The following ARFGEF1 variants were observed in gnomAD, a reference collection of about 807,000 sequenced individuals.
ARFGEF1 encodes brefeldin A-inhibited guanine nucleotide-exchange protein 1.
A neutral mutation model predicts 231.0 loss-of-function variants in ARFGEF1; 42 were observed. The observed-to-expected ratio is 0.18, with a 90% CI of 0.14 to 0.24. The LOEUF (loss-of-function observed/expected upper bound fraction) is 0.24, where lower values mean the gene tolerates loss of function less well. Among genes scored for constraint, ARFGEF1 ranks in the 10% least tolerant of loss-of-function variants. The probability of loss-of-function intolerance (pLI) is 1.00; values close to 1 mark genes in which losing one functional copy is unlikely to be tolerated. For missense variants in ARFGEF1, 1,345 were observed against 2,192.0 expected (o/e 0.61, Z 7.72); for synonymous variants, 710 against 732.3 (o/e 0.97, Z 0.49).
At chr8:67,337,812 T>G (rs542525115) in intron 1 of ARFGEF1, among the ~76,000 whole-genome samples, 1 of 152,190 alleles carries the variant, frequency 6.6e-6, no homozygotes, top group African/African-American at 2.4e-5. Context: ...TCTGATGATA[T>G]AAGGTTGTTA....
chr8:67,222,214 T>C lies in ARFGEF1; in HGVS notation c.4209-2654A>G, dbSNP rs544235784. On this transcript the variant is annotated intron_variant, in intron 29 of 38. Transcript: ENST00000262215. ...ATATATATATATATATACACACACA[T>C]ATATATATATGTATATGTATGTATG... 5.5e-3 allele frequency among the ~76,000 whole-genome samples: 660 copies of C among 121,084 alleles called. 4 individuals carry two copies. The highest frequency in any genetic ancestry group is 0.014 in the African/African-American group (423 of 29,912). 79.4% of individuals were successfully genotyped at this position (121,084 alleles called of 152,430 possible). A position where few individuals can be genotyped will look rare whatever the true frequency, so the allele number is the denominator to read the frequency against.
At position 67,227,539 on chromosome 8, in the gene ARFGEF1, C is replaced by T. The variant is rs148524011; in HGVS notation, c.3651G>A (p.Leu1217=). The T allele has an allele frequency of 1.7e-4, 273 of 1,613,024 alleles. 3 individuals are homozygous for T. In the East Asian group the frequency reaches 3.2e-3, roughly 19 times the overall value. The change falls in exon 26 of 39, where the codon TTG becomes TTA. Residue 1217 remains leucine, a synonymous_variant. Transcript: ENST00000262215. ...AIFAVDSLRQ[L]SMKFLEKGEL... is the part of the protein sequence containing the mutation. ...CCCCTTTCTCTAAGAACTTCATTGA[C>T]AACTGCCTCAAGGAGTCTACTGCAA...
chr8:67,240,264 T>C lies in ARFGEF1; in HGVS notation c.2877A>G (p.Ala959=). The C allele has an allele frequency of 1.2e-6, 2 of 1,606,620 alleles. No individual in the cohort carries two copies. Among genetic ancestry groups the C allele is most frequent in the Non-Finnish European group, 1.7e-6 (2 of 1,178,218 alleles). Residue 959 remains alanine, a synonymous_variant, in exon 20 of 39, where the codon GCA becomes GCG. Coordinates refer to ENST00000262215, the MANE Select transcript of ARFGEF1 (RefSeq NM_006421.5). The part of the protein sequence containing the change: ...FKLAWTPFLA[A]FSVGLQDCDD... ...CACAATCTTGTAGACCCACACTGAA[T>C]GCAGCCAGAAAAGGCGTCCAAGCCA...
intron 19 of ARFGEF1, among the ~76,000 whole-genome samples, chr8:67,250,924 C>A (rs1199521755): frequency 1.3e-5 from 2 of 152,182 alleles, no homozygotes; most frequent in African/African-American, 4.8e-5. Flanking sequence ...GATATAAGTT[C>A]CTGGGCCCAA....
chr8:67,328,038 G>C (rs192489952), intron 1 of ARFGEF1, among the ~76,000 whole-genome samples: 1 of 152,072 alleles, frequency 6.6e-6, no homozygotes, highest in African/African-American at 2.4e-5. Context: ...TAGAGGGGGT[G>C]AAAGAAAGGG....
rs573609012 is a variant in ARFGEF1 at position 67,197,846 on chromosome 8, T to G, written c.*1088A>C. Reference sequence around the variant, plus strand: ...TACATCCACTGTTAATACGGAATGCTTGACAATCTTGTCTTTTAACCATCA... The same window carrying G: ...TACATCCACTGTTAATACGGAATGCGTGACAATCTTGTCTTTTAACCATCA... On this transcript the variant is annotated 3_prime_UTR_variant, in exon 39 of 39. Coordinates refer to ENST00000262215, the MANE Select transcript of ARFGEF1 (RefSeq NM_006421.5). 7 of 985,920 alleles carry G rather than the reference T, an allele frequency of 7.1e-6. No individual in the cohort carries two copies. The African/African-American group carries it at 1.2e-4, about 17-fold the overall frequency. 61.1% of individuals were successfully genotyped at this position (985,920 alleles called of 1,614,324 possible).
Position 67,343,697 on chromosome 8 carries a change from C to T in ARFGEF1, c.-410G>A, listed in dbSNP as rs1488724152. The T allele has an allele frequency of 2.5e-6, 2 of 793,820 alleles. No homozygotes were observed. The highest frequency in any genetic ancestry group is 1.9e-5 in the African/African-American group (1 of 53,530). 49.2% of individuals were successfully genotyped at this position (793,820 alleles called of 1,614,324 possible). Reference sequence around the variant, plus strand: ...CACCGCGAGAGAAGGGCTACCCTGGCTACTGTGGGGATTAGCACCCGCCGC... The same window carrying T: ...CACCGCGAGAGAAGGGCTACCCTGGTTACTGTGGGGATTAGCACCCGCCGC... On this transcript the variant is annotated 5_prime_UTR_variant, in exon 1 of 39. Coordinates refer to ENST00000262215, the MANE Select transcript of ARFGEF1 (RefSeq NM_006421.5).
intron 19 of ARFGEF1, among the ~76,000 whole-genome samples, chr8:67,250,410 C>T (rs1475616270): frequency 6.6e-6 from 1 of 152,120 alleles, no homozygotes; most frequent in African/African-American, 2.4e-5. Flanking sequence ...TTTAAATAAA[C>T]TATAACAAAT....
chr8:67,244,170 G>A (rs1840020245), intron 19 of ARFGEF1, among the ~76,000 whole-genome samples: 1 of 148,520 alleles, frequency 6.7e-6, no homozygotes, highest in Admixed American at 6.7e-5. Flanking sequence ...TTGAACCTGG[G>A]AGGCGGAGGT....
chr8:67,258,329 C>CT (rs113171041), intron 15 of ARFGEF1, 39 bp from the exon 16 acceptor site: 119,112 of 1,087,536 alleles, frequency 0.11, 41 homozygotes, highest in Non-Finnish European at 0.12. Flanking sequence ...TATTTTCTTT[C>CT]TTTTTTTTTT....
At chr8:67,293,798 C>T (rs1040786105) in intron 5 of ARFGEF1, among the ~76,000 whole-genome samples, 2 of 152,048 alleles carry the variant, frequency 1.3e-5, no homozygotes, top group African/African-American at 2.4e-5. Context: ...ATGTGGCTTC[C>T]GTCTTACATT....
In ARFGEF1 at chr8:67,243,597, T is replaced by A. The variant is rs141275489; in HGVS notation, c.2851-3307A>T. Among the ~76,000 whole-genome samples, 672 of 152,248 alleles carry A rather than the reference T, an allele frequency of 4.4e-3. 9 individuals are homozygous for A. The highest frequency in any genetic ancestry group is 0.015 in the African/African-American group (639 of 41,550). Reference sequence around the variant, plus strand: ...CTGGTAAGGATATAGCCAAACCGTATCATCAAGTCCTTTTGAATACCTAGA... The same window carrying A: ...CTGGTAAGGATATAGCCAAACCGTAACATCAAGTCCTTTTGAATACCTAGA... On this transcript the variant is annotated intron_variant, in intron 19 of 38. Coordinates refer to ENST00000262215, the MANE Select transcript of ARFGEF1 (RefSeq NM_006421.5).
chr8:67,339,790 T>TGTGGGGG (rs1808521927), intron 1 of ARFGEF1, among the ~76,000 whole-genome samples: 1 of 422 alleles, frequency 2.4e-3, no homozygotes, highest in African/African-American at 4.9e-3. Context: ...TGTAACAGTG[T>TGTGGGGG]GGGGCGGGGG....
At chr8:67,320,758 G>A (rs1807551027) in intron 1 of ARFGEF1, among the ~76,000 whole-genome samples, 1 of 151,782 alleles carries the variant, frequency 6.6e-6, no homozygotes, top group Admixed American at 6.6e-5. Context: ...GGAGCTCGAG[G>A]CCAGGTCAGC....
At chr8:67,319,502 CAAA>C (rs34386557) in intron 1 of ARFGEF1, among the ~76,000 whole-genome samples, 3 of 103,632 alleles carry the variant, frequency 2.9e-5, no homozygotes, top group Non-Finnish European at 6.2e-5. Flanking sequence ...CACCCATTTG[CAAA>C]AAAAAAAAAA....
At chr8:67,289,770 T>A (rs1181752049) in intron 6 of ARFGEF1, among the ~76,000 whole-genome samples, 3 of 152,140 alleles carry the variant, frequency 2.0e-5, no homozygotes, top group African/African-American at 7.2e-5. Flanking sequence ...AAATAGCATT[T>A]AGAGTCTTCT....
At chr8:67,205,650 A>C (rs1838484310) in intron 34 of ARFGEF1, among the ~76,000 whole-genome samples, 1 of 152,084 alleles carries the variant, frequency 6.6e-6, no homozygotes, top group Non-Finnish European at 1.5e-5. Flanking sequence ...TGAGGTCAGG[A>C]GTTCAAGACC....
intron 1 of ARFGEF1, among the ~76,000 whole-genome samples, chr8:67,307,365 A>C (rs1806797075): frequency 6.6e-6 from 1 of 152,216 alleles, no homozygotes; most frequent in Non-Finnish European, 1.5e-5. Context: ...GCAAAACAAA[A>C]GTTCAGTATT....
intron 34 of ARFGEF1, among the ~76,000 whole-genome samples, 158 bp downstream of exon 34, chr8:67,211,325 G>A (rs566084819): frequency 1.7e-4 from 21 of 126,302 alleles, no homozygotes; most frequent in East Asian, 9.0e-4. Flanking sequence ...CAGACTGGGC[G>A]ACAGAGTGAA....
Sources: allele counts gnomAD v4.1 joint callset (sites outside exome capture counted in the v4.1 genomes callset), GRCh38; gene constraint gnomAD v4.1.1; transcripts MANE v1.5; gene names NCBI Gene and HGNC (gene_info 2026-07-23, HGNC 2026-07-21).